Variants in ELMO1 observed in about 807,000 individuals in gnomAD.
ELMO1 encodes the protein engulfment and cell motility protein 1.
A neutral mutation model predicts 98.9 loss-of-function variants in ELMO1; 26 were observed. The observed-to-expected ratio is 0.26, with a 90% CI of 0.19 to 0.36. ELMO1 has a LOEUF of 0.36. Among genes scored for constraint, ELMO1 ranks in the 10% least tolerant of loss-of-function variants. The probability of loss-of-function intolerance (pLI) is 1.00; values close to 1 mark genes in which losing one functional copy is unlikely to be tolerated. For missense variants in ELMO1, 627 were observed against 935.2 expected (o/e 0.67, Z 4.30); for synonymous variants, 346 against 346.0 (o/e 1.00, Z 0.00).
intron 13 of ELMO1, among the ~76,000 whole-genome samples, chr7:37,191,700 A>G (rs752150625): frequency 6.6e-6 from 1 of 152,208 alleles, no homozygotes; most frequent in African/African-American, 2.4e-5. Context: ...CAAGTGGATC[A>G]TGAGGTCAGG....
intron 16 of ELMO1, among the ~76,000 whole-genome samples, chr7:37,008,214 G>A (rs1048323893): frequency 3.9e-5 from 6 of 152,344 alleles, no homozygotes; most frequent in South Asian, 2.1e-4. Flanking sequence ...TTATAAAAGC[G>A]TCAATCATCA....
At chr7:37,015,204 T>G in intron 15 of ELMO1, among the ~76,000 whole-genome samples, 1 of 149,726 alleles carries the variant, frequency 6.7e-6, no homozygotes, top group African/African-American at 2.5e-5. Context: ...GTAGGAAGAG[T>G]CCGGGGGTGG....
At chr7:36,926,497 C>A (rs1007584996) in intron 16 of ELMO1, among the ~76,000 whole-genome samples, 1 of 151,778 alleles carries the variant, frequency 6.6e-6, no homozygotes, top group Non-Finnish European at 1.5e-5. Flanking sequence ...GGAGAAGTGA[C>A]CCCCCCAACT....
chr7:37,175,517 G>C (rs1456780465), intron 13 of ELMO1, among the ~76,000 whole-genome samples: 1 of 152,040 alleles, frequency 6.6e-6, no homozygotes, highest in East Asian at 1.9e-4. Flanking sequence ...AACCCTCTGG[G>C]GACACTTGGC....
rs570705569 is a variant in ELMO1, at chr7:36,853,493, T to C, written c.*2058A>G. ...AACACTTACTGTTTTATCATGATGA[T>C]GGGTAGATTAATAACTGCTCCTGAT... On this transcript the variant is annotated 3_prime_UTR_variant, in exon 22 of 22. Transcript: ENST00000310758. 6.6e-6 allele frequency among the ~76,000 whole-genome samples: 1 copy of C among 152,178 alleles called. No homozygotes were observed. The highest frequency in any genetic ancestry group is 1.5e-5 in the Non-Finnish European group (1 of 68,034).
intron 15 of ELMO1, among the ~76,000 whole-genome samples, chr7:37,078,485 G>C (rs1488343824): frequency 3.3e-5 from 5 of 152,066 alleles, no homozygotes; most frequent in Non-Finnish European, 7.4e-5. Context: ...CACCATCTCA[G>C]TTAGGTTTCT....
intron 6 of ELMO1, among the ~76,000 whole-genome samples, chr7:37,251,238 A>G (rs1192936559): frequency 6.6e-6 from 1 of 152,194 alleles, no homozygotes; most frequent in African/African-American, 2.4e-5. Context: ...TTGTTTCTGG[A>G]AACACTGTCC....
intron 19 of ELMO1, among the ~76,000 whole-genome samples, chr7:36,871,111 T>C (rs185551964): frequency 6.6e-6 from 1 of 152,382 alleles, no homozygotes; most frequent in African/African-American, 2.4e-5. Context: ...GGAGAATTCC[T>C]TTCTGATACA....
At chr7:37,197,821 G>T (rs1792060922) in intron 13 of ELMO1, among the ~76,000 whole-genome samples, 1 of 152,130 alleles carries the variant, frequency 6.6e-6, no homozygotes. Flanking sequence ...AAGAGGTGCT[G>T]GATGCCTATA....
intron 13 of ELMO1, among the ~76,000 whole-genome samples, chr7:37,193,394 T>C (rs1791764620): frequency 6.6e-6 from 1 of 152,188 alleles, no homozygotes; most frequent in Non-Finnish European, 1.5e-5. Context: ...AGGTAATTTT[T>C]TCTAACACGT....
chr7:37,131,624 A>G (rs1008996562), intron 14 of ELMO1, among the ~76,000 whole-genome samples: 4 of 152,348 alleles, frequency 2.6e-5, no homozygotes, highest in African/African-American at 9.6e-5. Flanking sequence ...TCTCAAAAAT[A>G]TTAATTTACT....
At chr7:37,298,466 A>T (rs1285820732) in intron 4 of ELMO1, among the ~76,000 whole-genome samples, 1 of 85,422 alleles carries the variant, frequency 1.2e-5, no homozygotes, top group Non-Finnish European at 2.4e-5. Flanking sequence ...CCCCGACCCC[A>T]CCACAGTCCC....
intron 13 of ELMO1, among the ~76,000 whole-genome samples, chr7:37,168,123 G>C (rs1789858618): frequency 6.6e-6 from 1 of 151,846 alleles, no homozygotes; most frequent in Non-Finnish European, 1.5e-5. Flanking sequence ...TCTTCCAGTT[G>C]ATCGCATTGG....
chr7:37,165,297 C>G (rs1339361026), intron 13 of ELMO1, among the ~76,000 whole-genome samples: 1 of 151,970 alleles, frequency 6.6e-6, no homozygotes, highest in African/African-American at 2.4e-5. Flanking sequence ...GACAATTTGA[C>G]TTCCTCTTTT....
At chr7:37,226,977 T>C (rs1453668549) in intron 8 of ELMO1, among the ~76,000 whole-genome samples, 1 of 152,220 alleles carries the variant, frequency 6.6e-6, no homozygotes, top group African/African-American at 2.4e-5. Context: ...TGCGGGCCTA[T>C]TCTTGGCATC....
At chr7:37,425,069 A>G (rs999744125) in intron 1 of ELMO1, among the ~76,000 whole-genome samples, 10 of 152,296 alleles carry the variant, frequency 6.6e-5, no homozygotes, top group Non-Finnish European at 1.3e-4. Flanking sequence ...TCCAGTCTTC[A>G]TAGATTTATG....
chr7:37,394,142 T>G (rs1407986553), intron 1 of ELMO1, among the ~76,000 whole-genome samples: 1 of 152,188 alleles, frequency 6.6e-6, no homozygotes, highest in Non-Finnish European at 1.5e-5. Flanking sequence ...ACTAATATAA[T>G]GTTGGACAAT....
chr7:37,339,726 T>C (rs1163240847), intron 2 of ELMO1, among the ~76,000 whole-genome samples: 2 of 152,226 alleles, frequency 1.3e-5, no homozygotes, highest in African/African-American at 2.4e-5. Flanking sequence ...AATTAGGAAC[T>C]GGGTTCCTAA....
chr7:37,046,065 C>G (rs1795779300), intron 15 of ELMO1, among the ~76,000 whole-genome samples: 1 of 152,156 alleles, frequency 6.6e-6, no homozygotes, highest in African/African-American at 2.4e-5. Context: ...TAAATCAATC[C>G]TAAGTTTATA....
Sources: gnomAD v4.1 joint callset for allele counts (sites outside exome capture counted in the v4.1 genomes callset) on GRCh38, gnomAD v4.1.1 for gene constraint, MANE v1.5 for transcripts, NCBI Gene and HGNC (gene_info 2026-07-23, HGNC 2026-07-21) for gene names.